The following NLGN1 variants were observed in gnomAD, a reference collection of about 807,000 sequenced individuals.
NLGN1 encodes the protein neuroligin 1.
NLGN1 carries 12 observed loss-of-function variants against 65.5 expected under a neutral mutation model. The observed-to-expected ratio is 0.18, with a 90% CI of 0.12 to 0.30. NLGN1 has a LOEUF of 0.30. NLGN1 is among the 10% of genes least tolerant of loss of function. The pLI is 1.00. For missense variants in NLGN1, 750 were observed against 1,007.1 expected (o/e 0.74, Z 3.46); for synonymous variants, 350 against 359.5 (o/e 0.97, Z 0.30).
chr3:173,692,901 A>G (rs1368196386), intron 3 of NLGN1, among the ~76,000 whole-genome samples: 2 of 152,078 alleles, frequency 1.3e-5, no homozygotes, highest in Non-Finnish European at 2.9e-5. Flanking sequence ...CAGGTACTAT[A>G]TAGAGTCAAA....
rs567902355 is a variant in NLGN1 at position 173,945,934 on chromosome 3, A to C, written c.646+138102A>C. ...TTAAGGCAGGTATCTCCAGGCTGTC[A>C]GGGTAGGGCTTAGCCCTACAACTTT... On this transcript the variant is annotated intron_variant, in intron 4 of 6. Coordinates refer to ENST00000457714, the Ensembl canonical transcript of NLGN1. Among the ~76,000 whole-genome samples, 5 of 152,316 alleles carry C rather than the reference A, an allele frequency of 3.3e-5. No homozygotes were observed. The South Asian group carries it at 1.0e-3, about 32-fold the overall frequency.
At chr3:174,202,541 TTC>T (rs1169043178) in intron 4 of NLGN1, among the ~76,000 whole-genome samples, 11 of 152,222 alleles carry the variant, frequency 7.2e-5, no homozygotes, top group Admixed American at 5.2e-4. Context: ...GAATTTAATT[TTC>T]TTTTTCTTGT....
At chr3:173,913,467 G>C (rs1021255630) in intron 4 of NLGN1, among the ~76,000 whole-genome samples, 1 of 152,182 alleles carries the variant, frequency 6.6e-6, no homozygotes, top group Non-Finnish European at 1.5e-5. Flanking sequence ...GTCTTTTTAA[G>C]TGGCAGTTGA....
intron 4 of NLGN1, among the ~76,000 whole-genome samples, chr3:173,878,817 C>T (rs141287808): frequency 2.0e-5 from 3 of 152,008 alleles, no homozygotes; most frequent in Admixed American, 6.5e-5. Flanking sequence ...TCTCATATTT[C>T]GTAGGATAAA....
At chr3:174,008,115 C>A (rs1724817883) in intron 4 of NLGN1, among the ~76,000 whole-genome samples, 1 of 152,144 alleles carries the variant, frequency 6.6e-6, no homozygotes. Flanking sequence ...ACCTCCAAAT[C>A]TATATTCTTG....
chr3:173,489,795 T>G (rs1251403757), intron 2 of NLGN1, among the ~76,000 whole-genome samples: 18 of 151,868 alleles, frequency 1.2e-4, no homozygotes, highest in African/African-American at 2.4e-4. Flanking sequence ...TGTGAGATGG[T>G]ATCTCATTGT....
At chr3:173,914,425 T>A (rs1740299329) in intron 4 of NLGN1, among the ~76,000 whole-genome samples, 1 of 151,862 alleles carries the variant, frequency 6.6e-6, no homozygotes, top group Non-Finnish European at 1.5e-5. Context: ...GGAGGCTACT[T>A]GAATGGCCAA....
chr3:173,932,308 A>G (rs1221461121), intron 4 of NLGN1, among the ~76,000 whole-genome samples: 5 of 152,052 alleles, frequency 3.3e-5, no homozygotes, highest in Admixed American at 3.3e-4. Flanking sequence ...TTTTTCCTTA[A>G]GTTGCTTCAT....
intron 3 of NLGN1, among the ~76,000 whole-genome samples, chr3:173,735,854 A>T (rs1357112624): frequency 6.6e-6 from 1 of 152,116 alleles, no homozygotes; most frequent in Non-Finnish European, 1.5e-5. Context: ...CCTTTTGCAT[A>T]TAAATATTAT....
At chr3:173,938,130 A>G (rs1046201043) in intron 4 of NLGN1, among the ~76,000 whole-genome samples, 1 of 152,184 alleles carries the variant, frequency 6.6e-6, no homozygotes, top group African/African-American at 2.4e-5. Flanking sequence ...ACTTTCTAGC[A>G]TGGAAAACAG....
rs143283914 is a variant in NLGN1 at position 173,885,955 on chromosome 3, A to G, written c.646+78123A>G. Among the ~76,000 whole-genome samples, 146 of 152,262 alleles carry G rather than the reference A, an allele frequency of 9.6e-4. 2 individuals are homozygous for G. In the East Asian group the frequency reaches 0.024, roughly 26 times the overall value. ...TCCTCTTGTATTTCACATTTTCTTTACAGAACCTATTAGTAAGAATAAATC... is the reference window on the plus strand; with the variant it reads ...TCCTCTTGTATTTCACATTTTCTTTGCAGAACCTATTAGTAAGAATAAATC... On this transcript the variant is annotated intron_variant, in intron 4 of 6. Transcript: ENST00000457714.
intron 3 of NLGN1, among the ~76,000 whole-genome samples, chr3:173,805,631 G>A (rs902400603): frequency 1.3e-5 from 2 of 152,182 alleles, no homozygotes; most frequent in African/African-American, 4.8e-5. Flanking sequence ...ACTGTTCACA[G>A]TTGGTGCTTT....
chr3:174,248,857 T>C (rs1454834479), intron 4 of NLGN1, among the ~76,000 whole-genome samples: 1 of 152,200 alleles, frequency 6.6e-6, no homozygotes, highest in Non-Finnish European at 1.5e-5. Flanking sequence ...AAAACAAAAG[T>C]GGGCATTATA....
Position 173,700,824 on chromosome 3 carries a change from C to A in NLGN1, c.493+95733C>A, listed in dbSNP as rs1767030312. ...GCTAATAGGACTCTTAAGCTCTAGA[C>A]CTCATAAAAGTGCCAGAAAGGCCGG... On this transcript the variant is annotated intron_variant, in intron 3 of 6. Transcript: ENST00000457714. Among the ~76,000 whole-genome samples, 3 of 152,230 alleles carry A rather than the reference C, an allele frequency of 2.0e-5. No homozygotes were observed. The East Asian group carries it at 5.8e-4, about 29-fold the overall frequency.
chr3:174,109,279 CT>C (rs965795663), intron 4 of NLGN1, among the ~76,000 whole-genome samples: 35 of 151,704 alleles, frequency 2.3e-4, no homozygotes, highest in African/African-American at 7.5e-4. Context: ...TAATAAGTTC[CT>C]TTTCCTTCAG....
At chr3:173,482,271 C>A (rs1576903121) in intron 2 of NLGN1, among the ~76,000 whole-genome samples, 1 of 151,996 alleles carries the variant, frequency 6.6e-6, no homozygotes, top group East Asian at 1.9e-4. Flanking sequence ...CTTTGATACA[C>A]CTACATTTCT....
At chr3:173,521,517 T>C (rs753625750) in intron 2 of NLGN1, among the ~76,000 whole-genome samples, 47 of 152,212 alleles carry the variant, frequency 3.1e-4, no homozygotes, top group Non-Finnish European at 6.2e-4. Flanking sequence ...GAATCAGCAC[T>C]GTACTTATGG....
At chr3:173,868,626 G>T (rs1001838517) in intron 4 of NLGN1, among the ~76,000 whole-genome samples, 1 of 152,130 alleles carries the variant, frequency 6.6e-6, no homozygotes, top group Non-Finnish European at 1.5e-5. Context: ...TGGAAATCTG[G>T]CAGGGCCTGA....
intron 2 of NLGN1, among the ~76,000 whole-genome samples, chr3:173,489,191 C>T (rs1272481639): frequency 6.6e-6 from 1 of 152,010 alleles, no homozygotes; most frequent in Non-Finnish European, 1.5e-5. Context: ...CCAATTAACT[C>T]ATCATTTACA....
Sources: allele counts gnomAD v4.1 joint callset (sites outside exome capture counted in the v4.1 genomes callset), GRCh38; gene constraint gnomAD v4.1.1; transcripts MANE v1.5; gene names NCBI Gene and HGNC (gene_info 2026-07-23, HGNC 2026-07-21).